The following RSRP1 variants were observed in gnomAD, a reference collection of about 807,000 sequenced individuals.
RSRP1 encodes the protein arginine and serine rich protein 1.
RSRP1 carries 37 observed loss-of-function variants against 33.0 expected under a neutral mutation model. The ratio of observed to expected loss-of-function variants is 1.12; its 90% confidence interval spans 0.86 to 1.48. The LOEUF (loss-of-function observed/expected upper bound fraction) is 1.48, where lower values mean the gene tolerates loss of function less well. RSRP1 is among the 40% of genes most tolerant of loss of function. RSRP1 has a pLI of 0.00. For synonymous variants in RSRP1, 167 were observed against 158.7 expected (o/e 1.05, Z -0.40); for missense variants, 402 against 385.3 (o/e 1.04, Z -0.36).
chr1:25,270,873 G>A lies in RSRP1; in HGVS notation c.-66-23844C>T, dbSNP rs559675363. Among the ~76,000 whole-genome samples, 20 of 131,462 alleles carry A rather than the reference G, an allele frequency of 1.5e-4. 5 individuals carry two copies. In the South Asian group the frequency reaches 4.7e-3, roughly 31 times the overall value. The allele number at this position is 131,462 out of a possible 152,430, so 86.2% of individuals were successfully genotyped here. On this transcript the variant is annotated intron_variant, in intron 1 of 1. Coordinates refer to the RSRP1 transcript ENST00000561867. ...CAAGTACTTAATAACAGTTAGCTCT[G>A]AAAATGTATAAAGCAAAATTAACCA... is the stretch of plus-strand genomic sequence containing the variant.
At chr1:25,257,089 GC>G (rs1639971976) in intron 1 of RSRP1, among the ~76,000 whole-genome samples, 1 of 152,172 alleles carries the variant, frequency 6.6e-6, no homozygotes, top group African/African-American at 2.4e-5. Flanking sequence ...AAGTGGAACA[GC>G]TAGGTCGAAG....
chr1:25,261,444 A>T (rs1640146256), intron 1 of RSRP1, among the ~76,000 whole-genome samples: 1 of 147,356 alleles, frequency 6.8e-6, no homozygotes, highest in Non-Finnish European at 1.5e-5. Flanking sequence ...TCACTCTGTC[A>T]CCCAGGCTGG....
At chr1:25,256,322 T>C (rs1483301393) in intron 1 of RSRP1, among the ~76,000 whole-genome samples, 2 of 152,002 alleles carry the variant, frequency 1.3e-5, no homozygotes, top group Non-Finnish European at 2.9e-5. Context: ...ACCTGACTAA[T>C]TTTTAAAAAG....
chr1:25,319,654 T>C (rs1644591148), intron 1 of RSRP1, among the ~76,000 whole-genome samples: 2 of 131,948 alleles, frequency 1.5e-5, no homozygotes, highest in African/African-American at 5.2e-5. Context: ...GGGAAAAAGT[T>C]CCTCAAGCAG....
Position 25,301,006 on chromosome 1 carries a change from G to A in RSRP1, c.-67+36972C>T. 1.5e-6 allele frequency: 2 copies of A among 1,378,650 alleles called. 1 individual carries two copies. The highest frequency in any genetic ancestry group is 2.4e-5 in the South Asian group (2 of 84,866). 85.4% of individuals were successfully genotyped at this position (1,378,650 alleles called of 1,614,324 possible). The stretch of plus-strand genomic sequence containing the variant: ...GTTCGCAGCCTATTTTGGGCTGTCT[G>A]TGGCCTGGTGCCTGCCAAAGCCTCT... On this transcript the variant is annotated intron_variant, in intron 1 of 1. Transcript: ENST00000561867.
In RSRP1 at chr1:25,298,661, C is replaced by A. The variant is rs1244191079; in HGVS notation, c.-67+39317G>T. Reference sequence around the variant, plus strand: ...TTTCCTCTTTATGTATGACTGAGGGCTTTTTACCATCATTTGTTCCCTTCA... The same window carrying A: ...TTTCCTCTTTATGTATGACTGAGGGATTTTTACCATCATTTGTTCCCTTCA... On this transcript the variant is annotated intron_variant, in intron 1 of 1. Coordinates refer to the RSRP1 transcript ENST00000561867. Among the ~76,000 whole-genome samples the A allele has an allele frequency of 1.5e-5, 2 of 131,720 alleles. 1 individual carries two copies. Among genetic ancestry groups the A allele is most frequent in the Non-Finnish European group, 3.6e-5 (2 of 55,882 alleles). 86.4% of individuals were successfully genotyped at this position (131,720 alleles called of 152,430 possible).
At chr1:25,250,978 C>T (rs1026356866), upstream of RSRP1, among the ~76,000 whole-genome samples, 2 of 151,560 alleles carry the variant, frequency 1.3e-5, no homozygotes, top group African/African-American at 2.4e-5. Context: ...CACTGCACTT[C>T]AGCCTGGGCA....
chr1:25,316,680 G>A (rs545720494), intron 1 of RSRP1, among the ~76,000 whole-genome samples: 1 of 125,504 alleles, frequency 8.0e-6, no homozygotes, highest in Non-Finnish European at 1.9e-5. Flanking sequence ...TGAGGGACTT[G>A]CCCAGGGTCT....
intron 1 of RSRP1, chr1:25,294,741 C>T: frequency 2.1e-6 from 1 of 483,050 alleles, no homozygotes; most frequent in Non-Finnish European, 3.9e-6. Flanking sequence ...GTTCAGTCTC[C>T]TGCAGGGAGA....
At chr1:25,276,557 T>TAAAAAAAAAAAAAAAAAAAAAAAAAAAA (rs1641013640) in intron 1 of RSRP1, among the ~76,000 whole-genome samples, 1 of 77,534 alleles carries the variant, frequency 1.3e-5, no homozygotes, top group African/African-American at 7.6e-5. Context: ...AAAAAAAAAC[T>TAAAAAAAAAAAAAAAAAAAAAAAAAAAA]TTAAAATTTA....
rs575432835 is a variant in RSRP1 at position 25,259,589 on chromosome 1, G to A, written c.-66-12560C>T. On this transcript the variant is annotated intron_variant, in intron 1 of 1. Coordinates refer to the RSRP1 transcript ENST00000561867. ...GCAATCTCAGCTCGCCGCAACCTCC[G>A]CCTCCCAGGTTCAAGTGATTCTCCT... Among the ~76,000 whole-genome samples, 6 of 151,730 alleles carry A rather than the reference G, an allele frequency of 4.0e-5. No homozygotes were observed. In the East Asian group the frequency reaches 5.8e-4, roughly 15 times the overall value.
Position 25,296,389 on chromosome 1 carries a change from G to A in RSRP1, c.-67+41589C>T, listed in dbSNP as rs574822361. 8.0e-3 allele frequency among the ~76,000 whole-genome samples: 973 copies of A among 122,056 alleles called. 213 individuals carry two copies. Among genetic ancestry groups the A allele is most frequent in the Non-Finnish European group, 0.014 (720 of 51,360 alleles). The allele number at this position is 122,056 out of a possible 152,430, so 80.1% of individuals were successfully genotyped here. On this transcript the variant is annotated intron_variant, in intron 1 of 1. Transcript: ENST00000561867. ...ACCCTCCCGAGTAGCTGGGATTAGG[G>A]GCATGCCACCATGCCCAGTTAATTT...
At chr1:25,305,577 A>G (rs113215063) in intron 1 of RSRP1, among the ~76,000 whole-genome samples, 1,578 of 110,504 alleles carry the variant, frequency 0.014, 213 homozygotes, top group African/African-American at 0.046. Flanking sequence ...TCGTGTGTGT[A>G]TGTATTTTGT....
At chr1:25,243,742 A>C in intron 3 of RSRP1, 109 bp from the exon 4 acceptor site, 1 of 1,476,636 alleles carries the variant, frequency 6.8e-7, no homozygotes, top group Non-Finnish European at 9.0e-7. Context: ...AGACACAAAA[A>C]TCAACTTGGA....
rs1454613964 is a variant in RSRP1, at chr1:25,287,017, C to G, written c.-66-39988G>C. 2.2e-5 allele frequency among the ~76,000 whole-genome samples: 3 copies of G among 134,778 alleles called. No individual in the cohort carries two copies. In the East Asian group the frequency reaches 5.8e-4, roughly 26 times the overall value. The allele number at this position is 134,778 out of a possible 152,430, so 88.4% of individuals were successfully genotyped here. A position where few individuals can be genotyped will look rare whatever the true frequency, so the allele number is the denominator to read the frequency against. On this transcript the variant is annotated intron_variant, in intron 1 of 1. Coordinates refer to the RSRP1 transcript ENST00000561867. Reference sequence around the variant, plus strand: ...CTGAGGCAGGCGAATCACTTGAACCCGGGAGGCGGAGGCTATAGTGAGCCG... The same window carrying G: ...CTGAGGCAGGCGAATCACTTGAACCGGGGAGGCGGAGGCTATAGTGAGCCG...
intron 1 of RSRP1, chr1:25,322,036 G>T: frequency 3.7e-6 from 3 of 814,740 alleles, no homozygotes; most frequent in South Asian, 1.4e-5. Context: ...TATATATGTT[G>T]ACTTGCTGTT....
chr1:25,300,841 A>G lies in RSRP1; in HGVS notation c.-67+37137T>C, dbSNP rs2986168. 6.0e-4 allele frequency: 727 copies of G among 1,221,834 alleles called. 138 individuals are homozygous for G. The African/African-American group carries it at 6.8e-3, about 11-fold the overall frequency. 75.7% of individuals were successfully genotyped at this position (1,221,834 alleles called of 1,614,324 possible). On this transcript the variant is annotated intron_variant, in intron 1 of 1. Coordinates refer to the RSRP1 transcript ENST00000561867. The stretch of plus-strand genomic sequence containing the variant: ...TCTGAACACCAGTCTCATGGCTTCA[A>G]GTCACACCTCCTAAGTGAAGCTCTG...
At position 25,266,009 on chromosome 1, in the gene RSRP1, A is replaced by C. The variant is rs1324443379; in HGVS notation, c.-66-18980T>G. 1.9e-4 allele frequency: 19 copies of C among 102,582 alleles called. 1 individual carries two copies. The East Asian group carries it at 4.1e-3, about 22-fold the overall frequency. The allele number at this position is 102,582 out of a possible 1,614,324, so 6.4% of individuals were successfully genotyped here. ...TAAAATGTGGATGTCAGTTAATAAT[A>C]ATGTATCATATTAGTCCAGTAATTG... On this transcript the variant is annotated intron_variant, in intron 1 of 1. Transcript: ENST00000561867.
intron 1 of RSRP1, 51 bp from the exon 2 acceptor site, chr1:25,247,080 G>C: frequency 8.7e-7 from 1 of 1,154,340 alleles, no homozygotes; most frequent in Non-Finnish European, 1.2e-6. Flanking sequence ...GCCGGCGCCT[G>C]GCCACCCGGA....
Sources: allele counts gnomAD v4.1 joint callset (sites outside exome capture counted in the v4.1 genomes callset), GRCh38; gene constraint gnomAD v4.1.1; transcripts MANE v1.5; gene names NCBI Gene and HGNC (gene_info 2026-07-23, HGNC 2026-07-21).